Variants in IQCK observed in about 807,000 individuals in gnomAD.
The protein encoded by IQCK is IQ domain-containing protein K.
In IQCK, 29 loss-of-function variants were observed where a neutral mutation model predicts 28.1. The observed-to-expected ratio is 1.03, with a 90% CI of 0.77 to 1.41. The LOEUF is 1.41. IQCK is among the 40% of genes most tolerant of loss of function. The pLI is 0.00. For missense variants in IQCK, 359 were observed against 314.7 expected (o/e 1.14, Z -1.07); for synonymous variants, 113 against 115.1 (o/e 0.98, Z 0.12).
At chr16:19,810,504 AAAAAAG>A (rs2055890405) in intron 7 of IQCK, among the ~76,000 whole-genome samples, 1 of 147,500 alleles carries the variant, frequency 6.8e-6, no homozygotes, top group African/African-American at 2.5e-5. Context: ...CTCAAAAAAA[AAAAAAG>A]AAAAAGAAAA....
chr16:19,804,596 C>A (rs750168372), intron 7 of IQCK, among the ~76,000 whole-genome samples: 9 of 151,994 alleles, frequency 5.9e-5, no homozygotes, highest in Non-Finnish European at 8.8e-5. Flanking sequence ...AGCTACTACA[C>A]CAGCTGATTT....
intron 4 of IQCK, among the ~76,000 whole-genome samples, chr16:19,743,871 G>C (rs2054870012): frequency 6.6e-6 from 1 of 152,206 alleles, no homozygotes. Context: ...GAAACTCCAA[G>C]GAAGACCAGG....
intron 3 of IQCK, among the ~76,000 whole-genome samples, chr16:19,734,518 A>G (rs975810080): frequency 1.3e-5 from 2 of 148,238 alleles, no homozygotes; most frequent in African/African-American, 5.0e-5. Context: ...AACCCTAGCT[A>G]CTTGGGAGGC....
chr16:19,854,496 C>T (rs535886919), intron 9 of IQCK, among the ~76,000 whole-genome samples: 17 of 152,202 alleles, frequency 1.1e-4, no homozygotes, highest in Non-Finnish European at 2.1e-4. Flanking sequence ...GTTCTGTCTG[C>T]CTGGAAAAGG....
chr16:19,726,703 C>T (rs1163551872), intron 1 of IQCK, among the ~76,000 whole-genome samples: 1 of 152,106 alleles, frequency 6.6e-6, no homozygotes, highest in African/African-American at 2.4e-5. Flanking sequence ...AATGAATAAG[C>T]CGTTAAAAGT....
At chr16:19,776,480 AG>A (rs1411546278) in intron 6 of IQCK, among the ~76,000 whole-genome samples, 1 of 152,104 alleles carries the variant, frequency 6.6e-6, no homozygotes, top group Non-Finnish European at 1.5e-5. Context: ...CAAGATGGGC[AG>A]ATCACCTGAG....
intron 7 of IQCK, among the ~76,000 whole-genome samples, chr16:19,817,044 T>G (rs1400567539): frequency 6.6e-6 from 1 of 152,132 alleles, no homozygotes; most frequent in African/African-American, 2.4e-5. Context: ...AAAACCAATA[T>G]GGTACCCTGT....
chr16:19,821,679 A>C (rs11074412), intron 7 of IQCK, among the ~76,000 whole-genome samples: 1 of 151,912 alleles, frequency 6.6e-6, no homozygotes, highest in Non-Finnish European at 1.5e-5. Flanking sequence ...GGGTGACAGA[A>C]CGAGACTCCG....
At chr16:19,723,768 AC>A (rs1172353631) in intron 1 of IQCK, among the ~76,000 whole-genome samples, 2 of 152,162 alleles carry the variant, frequency 1.3e-5, no homozygotes, top group Non-Finnish European at 2.9e-5. Flanking sequence ...AGCCTGGCCA[AC>A]ATGGTGAAAC....
At chr16:19,783,185 G>A (rs965278246) in intron 6 of IQCK, among the ~76,000 whole-genome samples, 1 of 152,182 alleles carries the variant, frequency 6.6e-6, no homozygotes, top group Non-Finnish European at 1.5e-5. Flanking sequence ...TTTTAGTAGA[G>A]ATGAAGTTTC....
intron 7 of IQCK, among the ~76,000 whole-genome samples, chr16:19,803,534 A>T (rs540584071): frequency 6.6e-6 from 1 of 152,316 alleles, no homozygotes; most frequent in East Asian, 1.9e-4. Context: ...TTTGCTACCT[A>T]CCAGTTTTAT....
intron 9 of IQCK, among the ~76,000 whole-genome samples, chr16:19,848,601 T>C (rs2056440937): frequency 6.6e-6 from 1 of 152,206 alleles, no homozygotes; most frequent in African/African-American, 2.4e-5. Context: ...GAGTACCTTC[T>C]TCATGTGCCA....
chr16:19,842,248 A>G (rs976763825), intron 9 of IQCK, among the ~76,000 whole-genome samples: 1 of 152,254 alleles, frequency 6.6e-6, no homozygotes, highest in African/African-American at 2.4e-5. Flanking sequence ...AGTACAATAT[A>G]GAGAACATAT....
intron 6 of IQCK, among the ~76,000 whole-genome samples, chr16:19,778,883 T>C (rs2055435608): frequency 6.6e-6 from 1 of 152,196 alleles, no homozygotes; most frequent in Admixed American, 6.5e-5. Context: ...GAAGGGACTT[T>C]GCATATGTGA....
rs769322636 is a variant in IQCK at position 19,755,918 on chromosome 16, C to T, written c.475-7930C>T. 4.6e-5 allele frequency among the ~76,000 whole-genome samples: 7 copies of T among 152,322 alleles called. No homozygotes were observed. In the East Asian group the frequency reaches 1.3e-3, roughly 29 times the overall value. On this transcript the variant is annotated intron_variant, in intron 4 of 7. Coordinates refer to ENST00000564186, the Ensembl canonical transcript of IQCK. ...TCAAAACAGGCCAAGCCCAGTGGCT[C>T]ACACCTGTAATGCCAGCACTTTGGG...
At chr16:19,850,492 A>G (rs977398584) in intron 9 of IQCK, among the ~76,000 whole-genome samples, 2 of 152,132 alleles carry the variant, frequency 1.3e-5, no homozygotes, top group African/African-American at 4.8e-5. Context: ...TGAACATTTT[A>G]AGGTTTCTCA....
chr16:19,721,603 T>G (rs987837283), intron 1 of IQCK, among the ~76,000 whole-genome samples: 5 of 142,004 alleles, frequency 3.5e-5, no homozygotes, highest in Non-Finnish European at 7.5e-5. Context: ...TTTTTTTTTT[T>G]GAGATGAAGT....
chr16:19,818,948 T>A (rs916301587), intron 7 of IQCK, among the ~76,000 whole-genome samples: 1 of 152,098 alleles, frequency 6.6e-6, no homozygotes, highest in Non-Finnish European at 1.5e-5. Context: ...TGGGGTGGCA[T>A]TGGATCAATT....
chr16:19,812,876 T>G (rs1446014761), intron 7 of IQCK, among the ~76,000 whole-genome samples: 1 of 152,230 alleles, frequency 6.6e-6, no homozygotes, highest in East Asian at 1.9e-4. Flanking sequence ...AAAACTTAAG[T>G]GCATCCTCTA....
Sources: gnomAD v4.1 joint callset for allele counts (sites outside exome capture counted in the v4.1 genomes callset) on GRCh38, gnomAD v4.1.1 for gene constraint, MANE v1.5 for transcripts, NCBI Gene and HGNC (gene_info 2026-07-23, HGNC 2026-07-21) for gene names.